Variants in VCF1 observed in about 807,000 individuals in gnomAD.
VCF1 encodes protein VCF1.
At chr17:73,217,852 GTCCCAGCTATT>G in the VCF1 span, among the ~76,000 whole-genome samples, 2 of 151,664 alleles carry the variant, frequency 1.3e-5, no homozygotes, top group Non-Finnish European at 2.9e-5. Flanking sequence ...TGCGCCTGGA[GTCCCAGCTATT>G]TGAGAGGCTG....
the VCF1 span, among the ~76,000 whole-genome samples, chr17:73,216,469 A>C: frequency 0.49 from 74,125 of 151,926 alleles, 18,373 homozygotes; most frequent in East Asian, 0.6. Flanking sequence ...CAGGCAACTG[A>C]AGGTGACTGG....
chr17:73,232,004 C>A, the VCF1 span: 1 of 1,433,740 alleles, frequency 7.0e-7, no homozygotes, highest in Non-Finnish European at 9.4e-7. Flanking sequence ...ACTCTTGCTC[C>A]GACCCCCATT....
the VCF1 span, chr17:73,227,020 C>T: frequency 1.8e-6 from 1 of 569,214 alleles, no homozygotes; most frequent in African/African-American, 1.9e-5. Context: ...CAAAGGGACC[C>T]TGATTTGGAA....
chr17:73,208,749 C>G, the VCF1 span: 2 of 440,678 alleles, frequency 4.5e-6, no homozygotes, highest in South Asian at 4.2e-5. Context: ...AAGCTGCTGA[C>G]TGACCAAGTT....
the VCF1 span, chr17:73,208,251 A>G: frequency 3.1e-6 from 5 of 1,609,802 alleles, no homozygotes; most frequent in African/African-American, 2.7e-5. Flanking sequence ...CGTCGCGCGG[A>G]GGGCGAGTGG....
chr17:73,218,043 C>T, the VCF1 span, among the ~76,000 whole-genome samples: 8 of 152,308 alleles, frequency 5.3e-5, no homozygotes, highest in East Asian at 1.9e-4. Flanking sequence ...ACCTCCATCC[C>T]CTCTTTCAAT....
the VCF1 span, among the ~76,000 whole-genome samples, chr17:73,224,125 A>G: frequency 6.7e-6 from 1 of 149,792 alleles, no homozygotes; most frequent in South Asian, 2.1e-4. Flanking sequence ...GAACAGAGGG[A>G]AGGAAGGAAG....
chr17:73,232,263 C>T, the VCF1 span: 76 of 1,608,900 alleles, frequency 4.7e-5, no homozygotes, highest in Non-Finnish European at 6.1e-5. Context: ...CTCAGTCGGA[C>T]CCGTACCACC....
the VCF1 span, among the ~76,000 whole-genome samples, chr17:73,222,622 C>A: frequency 6.6e-6 from 1 of 151,694 alleles, no homozygotes; most frequent in Non-Finnish European, 1.5e-5. Context: ...ACTAAAAATA[C>A]AAAAATTTGC....
the VCF1 span, chr17:73,208,783 A>ATTACT: frequency 5.2e-6 from 2 of 384,574 alleles, no homozygotes; most frequent in Non-Finnish European, 5.0e-6. Context: ...GTCATTACAT[A>ATTACT]TTACTTTACT....
At chr17:73,209,395 G>T in the VCF1 span, 2 of 1,183,984 alleles carry the variant, frequency 1.7e-6, no homozygotes, top group Non-Finnish European at 2.3e-6. Flanking sequence ...CTGTTAACCT[G>T]TTATTTCAAA....
At chr17:73,208,233 CCGAGTGGCGTCGCGCGGAGGG>C in the VCF1 span, 3 of 1,606,202 alleles carry the variant, frequency 1.9e-6, no homozygotes, top group Non-Finnish European at 2.5e-6. Flanking sequence ...CGTGTGGACT[CCGAGTGGCGTCGCGCGGAGGG>C]CGAGTGGGCA....
chr17:73,231,320 G>A, the VCF1 span, among the ~76,000 whole-genome samples: 1 of 152,138 alleles, frequency 6.6e-6, no homozygotes, highest in Non-Finnish European at 1.5e-5. Context: ...TCTTGCAGAG[G>A]AAATTAAGAG....
the VCF1 span, among the ~76,000 whole-genome samples, chr17:73,215,449 T>C: frequency 1.3e-5 from 2 of 151,940 alleles, no homozygotes; most frequent in African/African-American, 2.4e-5. Context: ...TGCCCAGCTA[T>C]TTTTTGTAGA....
the VCF1 span, chr17:73,207,746 C>T: frequency 7.7e-7 from 1 of 1,291,468 alleles, no homozygotes; most frequent in Non-Finnish European, 1.0e-6. Flanking sequence ...CTGGGTATTT[C>T]TGAATTGTGC....
the VCF1 span, among the ~76,000 whole-genome samples, chr17:73,230,413 T>C: frequency 2.0e-5 from 3 of 152,242 alleles, no homozygotes; most frequent in East Asian, 1.9e-4. Flanking sequence ...CCCTTTTTTT[T>C]TTTTAGATGG....
At chr17:73,211,776 C>T in the VCF1 span, among the ~76,000 whole-genome samples, 2 of 152,128 alleles carry the variant, frequency 1.3e-5, no homozygotes, top group African/African-American at 4.8e-5. Flanking sequence ...AAGAGAATCG[C>T]TTGAACCCGG....
the VCF1 span, chr17:73,227,317 T>C: frequency 6.3e-6 from 9 of 1,423,788 alleles, no homozygotes; most frequent in East Asian, 9.5e-5. Flanking sequence ...ACCGATGTTT[T>C]GGACACTTGA....
At chr17:73,211,859 AAAAACAAAAC>A in the VCF1 span, among the ~76,000 whole-genome samples, 1 of 152,242 alleles carries the variant, frequency 6.6e-6, no homozygotes, top group African/African-American at 2.4e-5. Flanking sequence ...ACTCCATCTC[AAAAACAAAAC>A]AAAACAAAAA....
Sources: gnomAD v4.1 joint callset for allele counts (sites outside exome capture counted in the v4.1 genomes callset) on GRCh38, gnomAD v4.1.1 for gene constraint, MANE v1.5 for transcripts, NCBI Gene and HGNC (gene_info 2026-07-23, HGNC 2026-07-21) for gene names.